Variants in PVT1 observed in about 807,000 individuals in gnomAD.
PVT1 encodes CXCR4/PVT1 fusion.
chr8:127,824,303 G>T (rs1814763704), intron 2 of PVT1, among the ~76,000 whole-genome samples: 1 of 152,112 alleles, frequency 6.6e-6, no homozygotes, highest in Admixed American at 6.5e-5. Flanking sequence ...GATTATGAAG[G>T]CTGAACAGGT....
chr8:127,888,165 C>T (rs1815550418), intron 2 of PVT1, among the ~76,000 whole-genome samples: 1 of 151,978 alleles, frequency 6.6e-6, no homozygotes, highest in African/African-American at 2.4e-5. Flanking sequence ...TGATCTCGAT[C>T]TCCTGACCTC....
chr8:127,992,890 C>T (rs952501629), intron 4 of PVT1, among the ~76,000 whole-genome samples: 9 of 152,334 alleles, frequency 5.9e-5, no homozygotes, highest in Middle Eastern at 3.4e-3. Flanking sequence ...TCAGCAGGCT[C>T]CTGCTTCCCT....
intron 3 of PVT1, among the ~76,000 whole-genome samples, chr8:127,984,865 C>CT (rs1226503459): frequency 5.4e-4 from 36 of 66,800 alleles, no homozygotes; most frequent in African/African-American, 1.7e-3. Flanking sequence ...TTCTTTCTTT[C>CT]TTTCTTTCTT....
At chr8:128,013,803 T>C (rs148780192) in intron 4 of PVT1, among the ~76,000 whole-genome samples, 82 of 152,300 alleles carry the variant, frequency 5.4e-4, no homozygotes, top group African/African-American at 1.9e-3. Flanking sequence ...GTCCTAATCA[T>C]TGGGGCTAGG....
At chr8:128,015,957 C>T (rs183770323) in intron 4 of PVT1, among the ~76,000 whole-genome samples, 7 of 152,062 alleles carry the variant, frequency 4.6e-5, no homozygotes, top group East Asian at 3.9e-4. Context: ...TTCTTAAACA[C>T]GTCTTCTGGA....
intron 4 of PVT1, among the ~76,000 whole-genome samples, chr8:128,024,115 C>T (rs1003956869): frequency 1.3e-5 from 2 of 152,200 alleles, no homozygotes; most frequent in South Asian, 2.1e-4. Flanking sequence ...ACCCCACCAC[C>T]GTCTGCAGAG....
chr8:128,047,839 T>G (rs1445837712), intron 4 of PVT1, among the ~76,000 whole-genome samples: 1 of 152,192 alleles, frequency 6.6e-6, no homozygotes. Flanking sequence ...GTATACATCA[T>G]TCAAAACTTC....
chr8:127,824,182 A>C (rs991477860), intron 2 of PVT1, among the ~76,000 whole-genome samples: 4 of 152,162 alleles, frequency 2.6e-5, no homozygotes, highest in African/African-American at 4.8e-5. Context: ...CCCTATCTCA[A>C]AAAAAAGGAA....
At chr8:127,798,253 G>C (rs537764274) in intron 2 of PVT1, among the ~76,000 whole-genome samples, 1 of 151,578 alleles carries the variant, frequency 6.6e-6, no homozygotes, top group South Asian at 2.1e-4. Flanking sequence ...GCCGGGAGCC[G>C]AGATCGCACC....
In PVT1 at chr8:128,052,437, A is replaced by G. The variant is rs150217396; in HGVS notation, n.913-17723A>G. On this transcript the variant is annotated intron_variant and non_coding_transcript_variant, in intron 4 of 10. Transcript: ENST00000651587. ...TGAAACTCTTATTCCTACCCTTTTC[A>G]ATGCATCTTTTATTATTTCTATGCT... Among the ~76,000 whole-genome samples the G allele has an allele frequency of 3.7e-3, 560 of 152,118 alleles. 2 individuals are homozygous for G. The highest frequency in any genetic ancestry group is 0.013 in the African/African-American group (539 of 41,478).
intron 2 of PVT1, among the ~76,000 whole-genome samples, chr8:127,820,554 G>A (rs980320972): frequency 1.3e-5 from 2 of 152,108 alleles, no homozygotes; most frequent in African/African-American, 4.8e-5. Flanking sequence ...GAGGGAAGGA[G>A]GTACACATTT....
intron 2 of PVT1, among the ~76,000 whole-genome samples, chr8:127,867,679 T>G (rs1815299863): frequency 1.3e-5 from 2 of 152,188 alleles, no homozygotes; most frequent in South Asian, 4.1e-4. Context: ...TGCAGTCTCA[T>G]TTTTTATGCA....
At chr8:128,004,107 C>G (rs968919234) in intron 4 of PVT1, among the ~76,000 whole-genome samples, 5 of 152,164 alleles carry the variant, frequency 3.3e-5, no homozygotes, top group African/African-American at 1.2e-4. Context: ...TTACCAACCT[C>G]CATAAGGTTT....
At chr8:128,035,885 T>C (rs1813455968) in intron 4 of PVT1, among the ~76,000 whole-genome samples, 2 of 152,236 alleles carry the variant, frequency 1.3e-5, no homozygotes, top group Non-Finnish European at 2.9e-5. Context: ...TGATTTTCCT[T>C]TGGAGCTCCA....
intron 2 of PVT1, among the ~76,000 whole-genome samples, chr8:127,814,419 G>A (rs2129667016): frequency 6.6e-6 from 1 of 152,342 alleles, no homozygotes; most frequent in Admixed American, 6.5e-5. Context: ...CAGCTCAGGA[G>A]GGGCTGAGTT....
intron 2 of PVT1, chr8:127,855,341 G>A (rs1815149674): frequency 1.8e-5 from 7 of 396,980 alleles, no homozygotes; most frequent in Admixed American, 4.4e-5. Context: ...GAGCTTGGGG[G>A]ATGGGAATGG....
At chr8:127,849,055 G>A (rs185053985) in intron 2 of PVT1, among the ~76,000 whole-genome samples, 78 of 152,306 alleles carry the variant, frequency 5.1e-4, no homozygotes, top group Admixed American at 1.6e-3. Flanking sequence ...CTCTTTCTCT[G>A]TGCCAACCCT....
chr8:127,821,849 G>A (rs889034116), intron 2 of PVT1, among the ~76,000 whole-genome samples: 11 of 152,036 alleles, frequency 7.2e-5, no homozygotes, highest in African/African-American at 2.7e-4. Flanking sequence ...TACATGTGTA[G>A]TTTGCATTAT....
intron 5 of PVT1, among the ~76,000 whole-genome samples, chr8:128,089,477 C>A (rs377274972): frequency 6.6e-6 from 1 of 152,078 alleles, no homozygotes; most frequent in Non-Finnish European, 1.5e-5. Flanking sequence ...ATGACCATCA[C>A]CCCCAAAAGG....
Sources: gnomAD v4.1 joint callset for allele counts (sites outside exome capture counted in the v4.1 genomes callset) on GRCh38, gnomAD v4.1.1 for gene constraint, MANE v1.5 for transcripts, NCBI Gene and HGNC (gene_info 2026-07-23, HGNC 2026-07-21) for gene names.